RUNDC3B: variants seen among roughly 807,000 people sequenced by gnomAD.
The protein encoded by RUNDC3B is RUN domain containing 3B, also known as RUN domain-containing protein 3B.
A neutral mutation model predicts 58.4 loss-of-function variants in RUNDC3B; 33 were observed. The observed-to-expected ratio is 0.56, with a 90% CI of 0.43 to 0.75. The LOEUF (loss-of-function observed/expected upper bound fraction) is 0.75. RUNDC3B is among the 30% of genes least tolerant of loss of function. The pLI is 0.00. For synonymous variants in RUNDC3B, 193 were observed against 195.2 expected (o/e 0.99, Z 0.10); for missense variants, 501 against 535.7 (o/e 0.94, Z 0.64).
chr7:87,725,495 G>A (rs1004757951), intron 4 of RUNDC3B, among the ~76,000 whole-genome samples: 1 of 152,108 alleles, frequency 6.6e-6, no homozygotes, highest in Non-Finnish European at 1.5e-5. Flanking sequence ...TATCATTGTT[G>A]GACATTTGGG....
intron 6 of RUNDC3B, among the ~76,000 whole-genome samples, chr7:87,746,478 A>T (rs1411771581): frequency 6.6e-6 from 1 of 152,128 alleles, no homozygotes; most frequent in Non-Finnish European, 1.5e-5. Context: ...TAATTGTTTT[A>T]TACATTTGGG....
In RUNDC3B at chr7:87,750,249, G is replaced by A. The variant is rs12538630; in HGVS notation, c.629+8670G>A. On this transcript the variant is annotated intron_variant, in intron 6 of 10. Coordinates refer to ENST00000394654, the MANE Select transcript of RUNDC3B (RefSeq NM_001134405.2). ...CTTCATAGTATTCCATGGTGTATATGTGCCACATTTTCTTAATCCAGTCTA... is the reference window on the plus strand; with the variant it reads ...CTTCATAGTATTCCATGGTGTATATATGCCACATTTTCTTAATCCAGTCTA... Among the ~76,000 whole-genome samples the A allele has an allele frequency of 7.1e-3, 1,078 of 152,118 alleles. 32 individuals carry two copies. The highest frequency in any genetic ancestry group is 0.06 in the Admixed American group (920 of 15,268).
At chr7:87,823,148 G>A (rs1837585530) in intron 10 of RUNDC3B, among the ~76,000 whole-genome samples, 1 of 151,896 alleles carries the variant, frequency 6.6e-6, no homozygotes, top group African/African-American at 2.4e-5. Flanking sequence ...AAAGGTAAAG[G>A]GATCAGGCCA....
intron 6 of RUNDC3B, among the ~76,000 whole-genome samples, chr7:87,742,711 A>C (rs1241376787): frequency 6.6e-6 from 1 of 152,164 alleles, no homozygotes. Flanking sequence ...GATTAGCTGA[A>C]AGTAAAAAAT....
chr7:87,706,286 G>GT (rs199577254), intron 3 of RUNDC3B, among the ~76,000 whole-genome samples: 255 of 149,336 alleles, frequency 1.7e-3, no homozygotes, highest in Non-Finnish European at 2.8e-3. Context: ...CTACTTGAGA[G>GT]TTTTTTTTTT....
chr7:87,757,046 AT>A (rs1254024636), intron 6 of RUNDC3B, among the ~76,000 whole-genome samples: 3 of 152,184 alleles, frequency 2.0e-5, no homozygotes, highest in African/African-American at 7.2e-5. Flanking sequence ...AGCATAAAAA[AT>A]TTATGAAGTG....
At chr7:87,686,119 C>T (rs1351049709) in intron 2 of RUNDC3B, among the ~76,000 whole-genome samples, 1 of 152,168 alleles carries the variant, frequency 6.6e-6, no homozygotes, top group Non-Finnish European at 1.5e-5. Flanking sequence ...TTGATGTATA[C>T]TTTCTGCTTT....
rs1272376030 is a variant in RUNDC3B, at chr7:87,628,965, G to T, written c.122+20G>T. ...GTGCAGGTACGGCAGCGCAGGGCGAGGGGAACCAGCCTCCCGCCGGGGCTG... is the reference window on the plus strand; with the variant it reads ...GTGCAGGTACGGCAGCGCAGGGCGATGGGAACCAGCCTCCCGCCGGGGCTG... On this transcript the variant is annotated intron_variant, in intron 1 of 10. Coordinates refer to ENST00000394654, the MANE Select transcript of RUNDC3B (RefSeq NM_001134405.2). 1.1e-5 allele frequency: 14 copies of T among 1,307,974 alleles called. No individual in the cohort carries two copies. Among genetic ancestry groups the T allele is most frequent in the Non-Finnish European group, 1.4e-5 (14 of 1,019,876 alleles). The allele number at this position is 1,307,974 out of a possible 1,614,324, so 81.0% of individuals were successfully genotyped here. A position where few individuals can be genotyped will look rare whatever the true frequency, so the allele number is the denominator to read the frequency against.
At position 87,739,882 on chromosome 7, in the gene RUNDC3B, T is replaced by C; in HGVS notation, c.548+2T>C. The C allele has an allele frequency of 6.7e-7, 1 of 1,484,354 alleles. No individual in the cohort carries two copies. The highest frequency in any genetic ancestry group is 1.4e-5 in the African/African-American group (1 of 72,492). The allele number at this position is 1,484,354 out of a possible 1,614,324, so 91.9% of individuals were successfully genotyped here. A position where few individuals can be genotyped will look rare whatever the true frequency, so the allele number is the denominator to read the frequency against. On this transcript the variant is annotated splice_donor_variant, in intron 5 of 10. Transcript: ENST00000394654. LOFTEE classifies it high-confidence loss of function. Reference sequence around the variant, plus strand: ...AGGACTCAATGCTATTGATTTCAGGTACTTAACCAAATGCATTCAGTTTTT... The same window carrying C: ...AGGACTCAATGCTATTGATTTCAGGCACTTAACCAAATGCATTCAGTTTTT...
intron 2 of RUNDC3B, among the ~76,000 whole-genome samples, chr7:87,680,120 TG>T (rs1826782554): frequency 6.7e-6 from 1 of 150,308 alleles, no homozygotes; most frequent in African/African-American, 2.5e-5. Flanking sequence ...AGTGAGAACA[TG>T]CAGTGTTTGG....
intron 3 of RUNDC3B, among the ~76,000 whole-genome samples, chr7:87,707,273 G>A (rs1271907194): frequency 1.3e-5 from 2 of 152,112 alleles, no homozygotes. Flanking sequence ...AAACCTATGG[G>A]TGATAGAGAC....
rs369765406 is a variant in RUNDC3B, at chr7:87,791,621, G to GTGTT, written c.956+13668_956+13671dup. Among the ~76,000 whole-genome samples the GTGTT allele has an allele frequency of 7.0e-3, 1,060 of 152,146 alleles. 12 individuals carry two copies. Among genetic ancestry groups the GTGTT allele is most frequent in the African/African-American group, 0.024 (981 of 41,532 alleles). On this transcript the variant is annotated intron_variant, in intron 8 of 10. Coordinates refer to ENST00000394654, the MANE Select transcript of RUNDC3B (RefSeq NM_001134405.2). ...TATTAGTTTTTGCTTGTGTGTGTGT[G>GTGTT]TGTTTATGTAATGAATGTCATCAGT...
At chr7:87,817,143 T>C (rs1441273171) in intron 10 of RUNDC3B, among the ~76,000 whole-genome samples, 1 of 152,218 alleles carries the variant, frequency 6.6e-6, no homozygotes, top group Non-Finnish European at 1.5e-5. Flanking sequence ...CAGTAAATAT[T>C]GGCACTATAG....
chr7:87,768,894 A>G (rs1834117974), intron 6 of RUNDC3B, among the ~76,000 whole-genome samples: 1 of 152,176 alleles, frequency 6.6e-6, no homozygotes, highest in Non-Finnish European at 1.5e-5. Flanking sequence ...CCATCTTGGG[A>G]AAAAGTTGAA....
At chr7:87,663,916 A>T (rs1824963642) in intron 2 of RUNDC3B, among the ~76,000 whole-genome samples, 1 of 152,130 alleles carries the variant, frequency 6.6e-6, no homozygotes, top group African/African-American at 2.4e-5. Context: ...GACTCTTTGT[A>T]TGATCCTACT....
Position 87,680,750 on chromosome 7 carries a change from G to A in RUNDC3B, c.239-19671G>A, listed in dbSNP as rs10274620. Among the ~76,000 whole-genome samples the A allele has an allele frequency of 7.2e-3, 1,084 of 149,804 alleles. 87 individuals are homozygous for A. Among genetic ancestry groups the A allele is most frequent in the African/African-American group, 0.025 (1,024 of 40,228 alleles). On this transcript the variant is annotated intron_variant, in intron 2 of 10. Transcript: ENST00000394654. ...GCGGAGGGTGCAGTGAGCCAAGATC[G>A]CGCCATTGCACTCCAGCTTGGGCAA...
At chr7:87,771,570 G>A (rs1406523057) in intron 7 of RUNDC3B, among the ~76,000 whole-genome samples, 3 of 152,122 alleles carry the variant, frequency 2.0e-5, no homozygotes, top group Admixed American at 2.0e-4. Flanking sequence ...TTTTTTAAAA[G>A]ATTCATTCAG....
chr7:87,675,490 AAAAC>A (rs1175420425), intron 2 of RUNDC3B, among the ~76,000 whole-genome samples: 4 of 152,110 alleles, frequency 2.6e-5, no homozygotes, highest in African/African-American at 9.7e-5. Flanking sequence ...GCTTGGTACT[AAAAC>A]AAAAACAGAT....
chr7:87,757,683 A>G (rs1833446676), intron 6 of RUNDC3B, among the ~76,000 whole-genome samples: 1 of 152,190 alleles, frequency 6.6e-6, no homozygotes, highest in Non-Finnish European at 1.5e-5. Context: ...ATGTGGAACC[A>G]CAAAAGACCC....
Sources: gnomAD v4.1 joint callset for allele counts (sites outside exome capture counted in the v4.1 genomes callset) on GRCh38, gnomAD v4.1.1 for gene constraint, MANE v1.5 for transcripts, NCBI Gene and HGNC (gene_info 2026-07-23, HGNC 2026-07-21) for gene names.